The following CCDC171 variants were observed in gnomAD, a reference collection of about 807,000 sequenced individuals.
CCDC171 encodes the protein coiled-coil domain-containing protein 171.
In CCDC171, 177 loss-of-function variants were observed where a neutral mutation model predicts 168.2. The observed-to-expected ratio is 1.05, with a 90% confidence interval of 0.93 to 1.19. The LOEUF is 1.19. CCDC171 is among the 50% of genes most tolerant of loss of function. CCDC171 has a pLI of 0.00. For synonymous variants in CCDC171, 687 were observed against 540.8 expected (o/e 1.27, Z -3.75); for missense variants, 1,991 against 1,539.0 (o/e 1.29, Z -4.91).
intron 4 of CCDC171, among the ~76,000 whole-genome samples, chr9:15,587,189 C>T (rs1243724194): frequency 6.6e-6 from 1 of 152,104 alleles, no homozygotes. Flanking sequence ...TGTTGGAGGA[C>T]TCTTTTGTGT....
chr9:15,554,213 G>T (rs1219146260), intron 1 of CCDC171, among the ~76,000 whole-genome samples: 1 of 152,118 alleles, frequency 6.6e-6, no homozygotes. Flanking sequence ...GTGGAGACGG[G>T]GTTTCACTGT....
At chr9:15,802,194 G>C (rs554373575) in intron 21 of CCDC171, among the ~76,000 whole-genome samples, 4 of 151,738 alleles carry the variant, frequency 2.6e-5, no homozygotes, top group Admixed American at 6.6e-5. Context: ...CCTACTGAGG[G>C]TTTATTGAGC....
At position 16,051,615 on chromosome 9, in the gene CCDC171, A is replaced by C. The variant is rs1233003855; in HGVS notation, n.89+8729A>C. ...ACACCATTGAAAAACAAATTCCTTT[A>C]TTAAACTTCACTTGCTACCCAGCAT... is the stretch of plus-strand genomic sequence containing the variant. On this transcript the variant is annotated intron_variant and non_coding_transcript_variant, in intron 1 of 1. Transcript: ENST00000478913. Among the ~76,000 whole-genome samples, 4 of 152,302 alleles carry C rather than the reference A, an allele frequency of 2.6e-5. No individual in the cohort carries two copies. In the South Asian group the frequency reaches 6.2e-4, roughly 24 times the overall value.
chr9:15,803,454 A>G (rs1023849326), intron 21 of CCDC171, among the ~76,000 whole-genome samples: 20 of 151,802 alleles, frequency 1.3e-4, no homozygotes, highest in Admixed American at 6.6e-5. Context: ...TATAAGGAAG[A>G]GGTCCAGTTT....
At chr9:15,909,166 G>T (rs1167438309) in intron 24 of CCDC171, among the ~76,000 whole-genome samples, 1 of 151,948 alleles carries the variant, frequency 6.6e-6, no homozygotes, top group East Asian at 1.9e-4. Context: ...AATGTTTTAG[G>T]GCTATTAATA....
intron 18 of CCDC171, among the ~76,000 whole-genome samples, chr9:15,752,741 G>C (rs1342916371): frequency 2.6e-5 from 4 of 152,050 alleles, no homozygotes; most frequent in African/African-American, 7.2e-5. Context: ...AGGGCTTGTC[G>C]GGGGTGTGGG....
chr9:15,590,773 C>T (rs867623409), intron 4 of CCDC171, among the ~76,000 whole-genome samples: 111 of 75,626 alleles, frequency 1.5e-3, no homozygotes, highest in Non-Finnish European at 2.5e-3. Flanking sequence ...CTTTCTTTCT[C>T]TTTCTTTCTT....
chr9:15,903,143 C>T (rs547102225), intron 24 of CCDC171, among the ~76,000 whole-genome samples: 24 of 152,186 alleles, frequency 1.6e-4, no homozygotes, highest in Non-Finnish European at 3.2e-4. Context: ...GAATCCTCTG[C>T]AGACTTAAAT....
chr9:15,953,486 G>A (rs1829440433), intron 25 of CCDC171, among the ~76,000 whole-genome samples: 1 of 152,124 alleles, frequency 6.6e-6, no homozygotes, highest in South Asian at 2.1e-4. Flanking sequence ...CACATAAATT[G>A]GCTTTTGTAT....
intron 6 of CCDC171, among the ~76,000 whole-genome samples, chr9:15,609,088 A>G (rs2043453372): frequency 6.8e-6 from 1 of 146,026 alleles, no homozygotes; most frequent in Non-Finnish European, 1.5e-5. Flanking sequence ...ATTATGTATG[A>G]TGAACAGTTT....
rs990813409 is a variant in CCDC171 at position 15,999,936 on chromosome 9, G to A, written n.369-20653G>A. Among the ~76,000 whole-genome samples, 3 of 152,146 alleles carry A rather than the reference G, an allele frequency of 2.0e-5. 1 individual carries two copies. On this transcript the variant is annotated intron_variant and non_coding_transcript_variant, in intron 3 of 9. Transcript: ENST00000486641. ...CTAGTATCTAAGCGCTCTTCCTTCT[G>A]ACTCTTCTCCAACTAGCCATCCTAT...
chr9:15,639,026 T>C (rs2046402488), intron 7 of CCDC171, among the ~76,000 whole-genome samples: 1 of 152,066 alleles, frequency 6.6e-6, no homozygotes. Context: ...AAATTCTGAA[T>C]TGCTTCTGTC....
At chr9:15,873,552 C>A (rs575638784) in intron 23 of CCDC171, among the ~76,000 whole-genome samples, 4 of 151,934 alleles carry the variant, frequency 2.6e-5, no homozygotes, top group East Asian at 3.9e-4. Context: ...AAAACCTATT[C>A]CAAGCATAAG....
chr9:15,867,708 C>G (rs2061849877), intron 23 of CCDC171, among the ~76,000 whole-genome samples: 1 of 124,314 alleles, frequency 8.0e-6, no homozygotes, highest in Non-Finnish European at 1.8e-5. Context: ...ATATCATGTA[C>G]ATGTGCTTAG....
intron 24 of CCDC171, chr9:15,887,762 T>C (rs1419697888): frequency 6.6e-6 from 1 of 152,034 alleles, no homozygotes; most frequent in African/African-American, 2.4e-5. Flanking sequence ...TTATTATTTT[T>C]CTTAACAAAG....
the CCDC171 span, among the ~76,000 whole-genome samples, chr9:16,067,477 T>A: frequency 2.6e-5 from 4 of 152,186 alleles, no homozygotes; most frequent in Non-Finnish European, 4.4e-5. Context: ...TTAGATCCCA[T>A]TTGTCAATTT....
At chr9:15,922,452 A>C (rs982125302) in intron 25 of CCDC171, among the ~76,000 whole-genome samples, 1 of 151,678 alleles carries the variant, frequency 6.6e-6, no homozygotes. Context: ...GGGTAAGAGC[A>C]TGGGCTTTGG....
At chr9:15,801,644 A>G (rs577082861) in intron 21 of CCDC171, among the ~76,000 whole-genome samples, 1 of 152,176 alleles carries the variant, frequency 6.6e-6, no homozygotes, top group East Asian at 1.9e-4. Flanking sequence ...TAGGACTTCC[A>G]GTACTATGTC....
rs1363216630 is a variant in CCDC171, at chr9:15,817,822, T to C, written c.3268-28880T>C. ...TAACCTCTGCAGACTTAAATGTCCC[T>C]GTCTGACAGCTTTGAAGAGAGTAGT... On this transcript the variant is annotated intron_variant, in intron 21 of 25. Coordinates refer to ENST00000380701, the MANE Select transcript of CCDC171 (RefSeq NM_173550.4). 6.8e-5 allele frequency among the ~76,000 whole-genome samples: 8 copies of C among 118,344 alleles called. 3 individuals are homozygous for C. Among genetic ancestry groups the C allele is most frequent in the African/African-American group, 2.5e-4 (8 of 31,546 alleles). 77.6% of individuals were successfully genotyped at this position (118,344 alleles called of 152,430 possible). A position where few individuals can be genotyped will look rare whatever the true frequency, so the allele number is the denominator to read the frequency against.
Sources: gnomAD v4.1 joint callset for allele counts (sites outside exome capture counted in the v4.1 genomes callset) on GRCh38, gnomAD v4.1.1 for gene constraint, MANE v1.5 for transcripts, NCBI Gene and HGNC (gene_info 2026-07-23, HGNC 2026-07-21) for gene names.